The following SANBR variants were observed in gnomAD, a reference collection of about 807,000 sequenced individuals.
The protein encoded by SANBR is SANT and BTB domain regulator of CSR, also known as SANT and BTB domain regulator of class switch recombination.
In SANBR, 77 loss-of-function variants were observed where a neutral mutation model predicts 101.8. The ratio of observed to expected loss-of-function variants is 0.76; its 90% CI spans 0.63 to 0.91. The LOEUF (loss-of-function observed/expected upper bound fraction) is 0.91. SANBR is among the 40% of genes least tolerant of loss of function. SANBR has a pLI of 0.00. For missense variants in SANBR, 875 were observed against 853.0 expected (o/e 1.03, Z -0.32); for synonymous variants, 279 against 274.7 (o/e 1.02, Z -0.15).
intron 1 of SANBR, chr2:61,066,291 C>A (rs972537959): frequency 6.5e-6 from 1 of 152,728 alleles, no homozygotes; most frequent in East Asian, 1.9e-4. Context: ...ACCCCAGCTT[C>A]TGCGCGCCCG....
downstream of SANBR, among the ~76,000 whole-genome samples, chr2:61,124,534 T>C (rs956313838): frequency 1.3e-5 from 2 of 151,896 alleles, no homozygotes; most frequent in African/African-American, 4.8e-5. Flanking sequence ...ACCTCGTCTC[T>C]ACAAAAATAA....
At chr2:61,095,329 A>G (rs938164833) in intron 11 of SANBR, among the ~76,000 whole-genome samples, 2 of 152,234 alleles carry the variant, frequency 1.3e-5, no homozygotes, top group African/African-American at 4.8e-5. Context: ...AATGGTTTGT[A>G]TGCAGAATAT....
intron 6 of SANBR, 42 bp downstream of exon 6, chr2:61,077,200 T>A: frequency 7.1e-7 from 1 of 1,399,440 alleles, no homozygotes; most frequent in Admixed American, 1.7e-5. Flanking sequence ...GAAATTTGTG[T>A]GTCACCTGGT....
rs70959893 is a variant in SANBR, at chr2:61,072,821, C to CTTTTTTTTTTTTTTTT, written c.338-623_338-608dup. Among the ~76,000 whole-genome samples, 48 of 31,648 alleles carry CTTTTTTTTTTTTTTTT rather than the reference C, an allele frequency of 1.5e-3. 4 individuals carry two copies. Among genetic ancestry groups the CTTTTTTTTTTTTTTTT allele is most frequent in the East Asian group, 3.6e-3 (2 of 556 alleles). 20.8% of individuals were successfully genotyped at this position (31,648 alleles called of 152,430 possible). ...AGACTCTTGCTTGTCTCTCATGTTA[C>CTTTTTTTTTTTTTTTT]TTTTTTTTTTTTTTTTTTTTTTTTT... On this transcript the variant is annotated intron_variant, in intron 4 of 21. Transcript: ENST00000402291.
chr2:61,134,220 G>A, exon 21 of SANBR: 1 of 1,606,606 alleles, frequency 6.2e-7, no homozygotes, highest in South Asian at 1.1e-5. Flanking sequence ...TGATGACAGT[G>A]TTGCTGTGTT....
At chr2:61,108,237 T>A in intron 14 of SANBR, 80 bp from the exon 15 acceptor site, 3 of 847,446 alleles carry the variant, frequency 3.5e-6, no homozygotes, top group Non-Finnish European at 5.6e-6. Flanking sequence ...TTTTCAACTC[T>A]TCTACAGTAT....
chr2:61,080,752 A>T (rs1046759751), intron 6 of SANBR, among the ~76,000 whole-genome samples: 5 of 152,044 alleles, frequency 3.3e-5, no homozygotes, highest in African/African-American at 1.2e-4. Flanking sequence ...AAAACAAAAA[A>T]CCTTGAATCT....
At chr2:61,118,460 C>T (rs535210265) in intron 20 of SANBR, among the ~76,000 whole-genome samples, 112 of 146,388 alleles carry the variant, frequency 7.7e-4, no homozygotes, top group Non-Finnish European at 1.4e-3. Context: ...AGGCTGGTCT[C>T]GAACTCCTGA....
At chr2:61,080,589 T>G (rs933511412) in intron 6 of SANBR, among the ~76,000 whole-genome samples, 2 of 151,726 alleles carry the variant, frequency 1.3e-5, no homozygotes, top group East Asian at 3.9e-4. Context: ...CGTGTGGTGG[T>G]GAACGCCTGT....
intron 16 of SANBR, among the ~76,000 whole-genome samples, chr2:61,112,466 C>G (rs1236121011): frequency 2.0e-5 from 3 of 151,816 alleles, no homozygotes; most frequent in Non-Finnish European, 2.9e-5. Flanking sequence ...CAATATTTCC[C>G]CTAGTCTATG....
chr2:61,084,571 ATTATT>A (rs1682320634), intron 8 of SANBR, among the ~76,000 whole-genome samples: 1 of 152,182 alleles, frequency 6.6e-6, no homozygotes, highest in African/African-American at 2.4e-5. Flanking sequence ...ACAAATAAAA[ATTATT>A]AAAACAGACC....
intron 21 of SANBR, among the ~76,000 whole-genome samples, chr2:61,135,104 C>T (rs1378149259): frequency 1.3e-5 from 2 of 152,160 alleles, no homozygotes; most frequent in Non-Finnish European, 2.9e-5. Flanking sequence ...GCACGAAAAT[C>T]TCCTGAACTC....
chr2:61,103,308 T>C lies in SANBR; in HGVS notation c.1366-545T>C, dbSNP rs569005714. Among the ~76,000 whole-genome samples, 24 of 152,050 alleles carry C rather than the reference T, an allele frequency of 1.6e-4. 1 individual carries two copies. In the East Asian group the frequency reaches 4.3e-3, roughly 27 times the overall value. ...ATGCACCACCACACCCAGCTAATTT[T>C]TTTCTTCCTTTTTAGAGACAGGGTT... On this transcript the variant is annotated intron_variant, in intron 12 of 21. Coordinates refer to ENST00000402291, the MANE Select transcript of SANBR (RefSeq NM_001129993.3).
rs555339835 is a variant in SANBR at position 61,136,302 on chromosome 2, G to GA, written c.*45-1149dup. The stretch of plus-strand genomic sequence containing the variant: ...CTGGGCAACAGAGCGAGACTCGTCT[G>GA]AAAAAAAAAAAAAGAAAAAAGAATC... On this transcript the variant is annotated intron_variant, in intron 21 of 21. Coordinates refer to the SANBR transcript ENST00000295031. Among the ~76,000 whole-genome samples, 342 of 123,250 alleles carry GA rather than the reference G, an allele frequency of 2.8e-3. 3 individuals carry two copies. The South Asian group carries it at 0.031, about 11-fold the overall frequency. 80.9% of individuals were successfully genotyped at this position (123,250 alleles called of 152,430 possible).
chr2:61,105,928 G>A (rs1016864249), intron 13 of SANBR, among the ~76,000 whole-genome samples: 2 of 151,450 alleles, frequency 1.3e-5, no homozygotes, highest in African/African-American at 2.4e-5. Flanking sequence ...CCTCGGCCTC[G>A]CAAAGTGCTG....
rs777314600 is a variant in SANBR at position 61,108,369 on chromosome 2, T to C, written c.1644+20T>C. 4 of 1,503,660 alleles carry C rather than the reference T, an allele frequency of 2.7e-6. No homozygotes were observed. Among genetic ancestry groups the C allele is most frequent in the Admixed American group, 1.9e-5 (1 of 52,852 alleles). The allele number at this position is 1,503,660 out of a possible 1,614,324, so 93.1% of individuals were successfully genotyped here. A position where few individuals can be genotyped will look rare whatever the true frequency, so the allele number is the denominator to read the frequency against. On this transcript the variant is annotated intron_variant, in intron 15 of 21. Coordinates refer to ENST00000402291, the MANE Select transcript of SANBR (RefSeq NM_001129993.3). Reference sequence around the variant, plus strand: ...CAACTGGTAAGTGAGCAATTACAGTTAGCATTCATGGATCTCTTTCTTCCT... The same window carrying C: ...CAACTGGTAAGTGAGCAATTACAGTCAGCATTCATGGATCTCTTTCTTCCT...
intron 12 of SANBR, among the ~76,000 whole-genome samples, chr2:61,101,436 T>G (rs531708211): frequency 1.3e-5 from 2 of 152,334 alleles, no homozygotes; most frequent in South Asian, 4.1e-4. Context: ...TGTAGGCATC[T>G]TTAAAAGAAT....
chr2:61,127,386 T>C (rs1684542378), downstream of SANBR, among the ~76,000 whole-genome samples: 1 of 152,192 alleles, frequency 6.6e-6, no homozygotes, highest in South Asian at 2.1e-4. Flanking sequence ...TATGGAAAGA[T>C]ACACTAGATT....
intron 8 of SANBR, among the ~76,000 whole-genome samples, chr2:61,086,149 T>C (rs1375841004): frequency 6.6e-6 from 1 of 152,018 alleles, no homozygotes; most frequent in Non-Finnish European, 1.5e-5. Flanking sequence ...AGAGATATTT[T>C]TCCTTTTTAT....
Sources: allele counts gnomAD v4.1 joint callset (sites outside exome capture counted in the v4.1 genomes callset), GRCh38; gene constraint gnomAD v4.1.1; transcripts MANE v1.5; gene names NCBI Gene and HGNC (gene_info 2026-07-23, HGNC 2026-07-21).